The following TXNL4A variants were observed in gnomAD, a reference collection of about 807,000 sequenced individuals.
TXNL4A encodes thioredoxin like 4A.
TXNL4A carries 17 observed loss-of-function variants against 14.6 expected under a neutral mutation model. The observed-to-expected ratio is 1.16, with a 90% CI of 0.80 to 1.74. The LOEUF is 1.74. TXNL4A is among the 40% of genes most tolerant of loss of function. The pLI, the probability that TXNL4A is intolerant of heterozygous loss-of-function variation, is 0.00. For synonymous variants in TXNL4A, 83 were observed against 70.6 expected (o/e 1.18, Z -0.88); for missense variants, 74 against 195.2 (o/e 0.38, Z 3.70).
intron 1 of TXNL4A, among the ~76,000 whole-genome samples, chr18:80,004,843 T>C (rs1341891905): frequency 6.6e-6 from 1 of 152,062 alleles, no homozygotes; most frequent in Admixed American, 6.5e-5. Context: ...AATGCATCTG[T>C]GTTTAAAGGA....
At chr18:79,992,511 A>G (rs895090040), upstream of TXNL4A, among the ~76,000 whole-genome samples, 3 of 152,166 alleles carry the variant, frequency 2.0e-5, no homozygotes, top group African/African-American at 7.2e-5. Context: ...AGGAAAATAA[A>G]TCTTGTGACC....
At chr18:79,992,674 A>G (rs2051635434), upstream of TXNL4A, among the ~76,000 whole-genome samples, 1 of 152,100 alleles carries the variant, frequency 6.6e-6, no homozygotes, top group South Asian at 2.1e-4. Flanking sequence ...GTGAGCTCCA[A>G]GATTTCTGCC....
chr18:79,978,047 T>C, intron 1 of TXNL4A: 1 of 193,622 alleles, frequency 5.2e-6, no homozygotes, highest in Non-Finnish European at 1.1e-5. Context: ...GTGACACTAC[T>C]GGGACCTTGG....
At chr18:80,015,212 T>C (rs572312950) in intron 1 of TXNL4A, among the ~76,000 whole-genome samples, 18 of 152,320 alleles carry the variant, frequency 1.2e-4, no homozygotes, top group Non-Finnish European at 2.4e-4. Flanking sequence ...GGCTCCTTGT[T>C]ACTTATGCAG....
At chr18:79,980,376 T>C (rs2051444719) in intron 1 of TXNL4A, among the ~76,000 whole-genome samples, 1 of 152,190 alleles carries the variant, frequency 6.6e-6, no homozygotes, top group East Asian at 1.9e-4. Flanking sequence ...CATTTCTTCA[T>C]ATAAAACTAA....
At chr18:79,977,745 T>C in intron 1 of TXNL4A, 44 bp from the exon 2 acceptor site, 1 of 1,216,450 alleles carries the variant, frequency 8.2e-7, no homozygotes, top group South Asian at 1.3e-5. Flanking sequence ...CAGAACACTT[T>C]GGCTTTCATT....
At chr18:80,003,093 C>T (rs760744802) in intron 1 of TXNL4A, among the ~76,000 whole-genome samples, 4 of 152,256 alleles carry the variant, frequency 2.6e-5, no homozygotes, top group Non-Finnish European at 4.4e-5. Context: ...TCAGCCTGGC[C>T]AAGCTTACGC....
At chr18:80,015,158 G>C (rs916739113) in intron 1 of TXNL4A, among the ~76,000 whole-genome samples, 1 of 151,854 alleles carries the variant, frequency 6.6e-6, no homozygotes, top group African/African-American at 2.4e-5. Flanking sequence ...GACCTATGAC[G>C]TGCCCTGGAG....
rs1370267133 is a variant in TXNL4A, at chr18:79,982,552, C to A, written c.154-4851G>T. Among the ~76,000 whole-genome samples the A allele has an allele frequency of 1.3e-5, 2 of 152,044 alleles. No homozygotes were observed. The highest frequency in any genetic ancestry group is 2.4e-5 in the African/African-American group (1 of 41,384). On this transcript the variant is annotated intron_variant, in intron 1 of 2. Transcript: ENST00000269601. This position sits in a 1 kb window ranked among gnomAD's most constrained non-coding sequence, Gnocchi z 4.0. The stretch of plus-strand genomic sequence containing the variant: ...TAGAGTTGGGGGCAGGAAAGGGATG[C>A]CAAGGAGGCAGTCTCAGAAACCAAG...
intron 2 of TXNL4A, among the ~76,000 whole-genome samples, chr18:79,976,046 G>A (rs2051374408): frequency 6.6e-6 from 1 of 152,208 alleles, no homozygotes. Flanking sequence ...GCACCTCACA[G>A]ATCTTCTCAA....
At chr18:80,004,622 G>C (rs1165027371) in intron 1 of TXNL4A, among the ~76,000 whole-genome samples, 1 of 152,156 alleles carries the variant, frequency 6.6e-6, no homozygotes, top group East Asian at 1.9e-4. Flanking sequence ...GGGGTGGGTG[G>C]GCAGGTCAAG....
chr18:79,977,928 C>T (rs576206585), intron 1 of TXNL4A: 55 of 539,214 alleles, frequency 1.0e-4, no homozygotes, highest in Non-Finnish European at 1.7e-4. Flanking sequence ...CTCAGCCTCC[C>T]AAAGTGCTGG....
At chr18:79,996,454 T>C (rs2051663167) in intron 1 of TXNL4A, among the ~76,000 whole-genome samples, 1 of 152,210 alleles carries the variant, frequency 6.6e-6, no homozygotes, top group South Asian at 2.1e-4. Context: ...TAACATTTCT[T>C]TGGGTTCAGA....
chr18:79,998,736 C>T (rs2051678892), intron 1 of TXNL4A, among the ~76,000 whole-genome samples: 1 of 149,296 alleles, frequency 6.7e-6, no homozygotes, highest in Non-Finnish European at 1.5e-5. Flanking sequence ...TCATACTCAA[C>T]GTGTGTCTGT....
chr18:80,012,781 T>C (rs1230892848), intron 1 of TXNL4A, among the ~76,000 whole-genome samples: 2 of 152,208 alleles, frequency 1.3e-5, no homozygotes, highest in Non-Finnish European at 1.5e-5. Context: ...CAGGGTCTGT[T>C]GGTTTAGACA....
intron 1 of TXNL4A, among the ~76,000 whole-genome samples, chr18:80,028,400 C>A (rs902890252): frequency 4.0e-5 from 6 of 150,788 alleles, no homozygotes; most frequent in Non-Finnish European, 8.8e-5. Flanking sequence ...TTTGCTTGTA[C>A]CATCTTCCAA....
At chr18:79,988,103 G>A in intron 1 of TXNL4A, 137 bp downstream of exon 1, 1 of 1,081,508 alleles carries the variant, frequency 9.2e-7, no homozygotes, top group Non-Finnish European at 1.2e-6. Flanking sequence ...CCGCAGCGAG[G>A]GGAGGAATCG....
chr18:79,986,465 C>A, intron 1 of TXNL4A: 2 of 700,190 alleles, frequency 2.9e-6, no homozygotes, highest in Non-Finnish European at 3.5e-6. Flanking sequence ...CCAAAGTGAG[C>A]CCATTTCAAC....
chr18:79,975,569 C>G (rs1001009049), intron 2 of TXNL4A, among the ~76,000 whole-genome samples: 3 of 152,218 alleles, frequency 2.0e-5, no homozygotes, highest in African/African-American at 7.2e-5. Flanking sequence ...TCCCTGTTCT[C>G]ACCTGAAGAA....
Sources: gnomAD v4.1 joint callset for allele counts (sites outside exome capture counted in the v4.1 genomes callset) on GRCh38, gnomAD v4.1.1 for gene constraint, Gnocchi (gnomAD v3.1) non-coding constraint, MANE v1.5 for transcripts, NCBI Gene and HGNC (gene_info 2026-07-23, HGNC 2026-07-21) for gene names.